The following GNA12 variants were observed in gnomAD, a reference collection of about 807,000 sequenced individuals.
GNA12 encodes the protein G protein subunit alpha 12.
In GNA12, 9 loss-of-function variants were observed where a neutral mutation model predicts 26.0. That is an observed-to-expected ratio of 0.35 (90% CI 0.21 to 0.60). GNA12 has a LOEUF of 0.60. GNA12 is among the 20% of genes least tolerant of loss of function. GNA12 has a pLI of 0.78. For missense variants in GNA12, 405 were observed against 525.8 expected, an observed-to-expected ratio of 0.77 and a Z score of 2.25; for synonymous variants, 264 against 219.6, an observed-to-expected ratio of 1.20 and a Z score of -1.79.
At chr7:2,737,685 C>A (rs1441855428) in intron 2 of GNA12, among the ~76,000 whole-genome samples, 1 of 152,126 alleles carries the variant, frequency 6.6e-6, no homozygotes, top group African/African-American at 2.4e-5. Context: ...TAATGGTGAG[C>A]TAGAGGATTC....
At chr7:2,792,390 A>G (rs1792542830) in intron 2 of GNA12, among the ~76,000 whole-genome samples, 1 of 152,146 alleles carries the variant, frequency 6.6e-6, no homozygotes, top group African/African-American at 2.4e-5. Flanking sequence ...TTGACTTCCT[A>G]AATTGGGAGG....
At chr7:2,784,285 T>A (rs1464597906) in intron 2 of GNA12, among the ~76,000 whole-genome samples, 2 of 151,986 alleles carry the variant, frequency 1.3e-5, no homozygotes, top group Admixed American at 1.3e-4. Flanking sequence ...ACCTGGATAA[T>A]CTTTTTGTAT....
At chr7:2,829,012 G>T (rs1793543239) in intron 1 of GNA12, among the ~76,000 whole-genome samples, 1 of 151,792 alleles carries the variant, frequency 6.6e-6, no homozygotes, top group African/African-American at 2.4e-5. Context: ...GGTGGAGGCT[G>T]CAGCGAGCCA....
Position 2,730,832 on chromosome 7 carries a change from C to T in GNA12, c.*349G>A, listed in dbSNP as rs183939270. On this transcript the variant is annotated 3_prime_UTR_variant, in exon 4 of 4. Transcript: ENST00000275364. Reference sequence around the variant, plus strand: ...TGTCATTAAAGACAGAGCGTGTGTACACACATACACACACAACACGGTCCT... The same window carrying T: ...TGTCATTAAAGACAGAGCGTGTGTATACACATACACACACAACACGGTCCT... The T allele has an allele frequency of 2.9e-4, 65 of 226,234 alleles. No homozygotes were observed. In the East Asian group the frequency reaches 5.7e-3, roughly 20 times the overall value. 14.0% of individuals were successfully genotyped at this position (226,234 alleles called of 1,614,324 possible).
intron 1 of GNA12, among the ~76,000 whole-genome samples, chr7:2,799,754 T>G (rs781300171): frequency 6.6e-6 from 1 of 151,344 alleles, no homozygotes; most frequent in African/African-American, 2.4e-5. Flanking sequence ...AATACACAAG[T>G]GAAAAAGATG....
intron 1 of GNA12, among the ~76,000 whole-genome samples, chr7:2,815,707 G>C (rs1272943605): frequency 2.6e-5 from 4 of 152,158 alleles, no homozygotes; most frequent in African/African-American, 9.7e-5. Flanking sequence ...GCTCCCTGGA[G>C]CCTGGTGCTC....
intron 1 of GNA12, among the ~76,000 whole-genome samples, chr7:2,814,693 T>G (rs1300078917): frequency 6.6e-6 from 1 of 150,710 alleles, no homozygotes; most frequent in Non-Finnish European, 1.5e-5. Context: ...TCTAAAAGGC[T>G]GGACCAGTCA....
intron 1 of GNA12, among the ~76,000 whole-genome samples, chr7:2,816,331 A>G (rs1793218726): frequency 6.6e-6 from 1 of 151,296 alleles, no homozygotes; most frequent in African/African-American, 2.4e-5. Flanking sequence ...CCCTAGTTCA[A>G]GCGATTCTTC....
intron 2 of GNA12, among the ~76,000 whole-genome samples, chr7:2,740,827 G>A (rs1038579219): frequency 2.6e-5 from 4 of 152,136 alleles, no homozygotes; most frequent in South Asian, 2.1e-4. Flanking sequence ...GACGGATCAC[G>A]AGGTCGAGAG....
chr7:2,780,004 G>C (rs1355942718), intron 2 of GNA12, among the ~76,000 whole-genome samples: 1 of 145,762 alleles, frequency 6.9e-6, no homozygotes, highest in African/African-American at 2.6e-5. Context: ...AGGTAGCTCA[G>C]TGGATGTACT....
intron 1 of GNA12, among the ~76,000 whole-genome samples, chr7:2,831,746 TATAA>T (rs1479697942): frequency 6.6e-6 from 1 of 152,104 alleles, no homozygotes. Context: ...GTCACAAAAA[TATAA>T]ATAGTTATTA....
intron 2 of GNA12, among the ~76,000 whole-genome samples, chr7:2,758,661 T>C (rs571398207): frequency 1.6e-4 from 25 of 152,160 alleles, no homozygotes; most frequent in South Asian, 2.1e-4. Context: ...CACAGCACAC[T>C]TGGAGGAACC....
At chr7:2,790,233 A>G (rs1387170002) in intron 2 of GNA12, among the ~76,000 whole-genome samples, 3 of 152,132 alleles carry the variant, frequency 2.0e-5, no homozygotes, top group Admixed American at 6.5e-5. Context: ...TATGCTTAAC[A>G]TAGCCTGATT....
intron 2 of GNA12, among the ~76,000 whole-genome samples, chr7:2,780,048 G>GTGTGTGTATATA (rs748113158): frequency 2.4e-5 from 2 of 84,734 alleles, no homozygotes; most frequent in African/African-American, 5.7e-5. Context: ...ACATTTCTGT[G>GTGTGTGTATATA]TACATATATA....
At chr7:2,742,499 C>G (rs1790559496) in intron 2 of GNA12, among the ~76,000 whole-genome samples, 1 of 152,180 alleles carries the variant, frequency 6.6e-6, no homozygotes, top group Admixed American at 6.5e-5. Flanking sequence ...CATCGCTGTC[C>G]ACATGGACTC....
chr7:2,835,108 A>G lies in GNA12; in HGVS notation c.309+8745T>C, dbSNP rs563147047. Among the ~76,000 whole-genome samples the G allele has an allele frequency of 3.3e-5, 5 of 152,342 alleles. No individual in the cohort carries two copies. The South Asian group carries it at 1.0e-3, about 32-fold the overall frequency. On this transcript the variant is annotated intron_variant, in intron 1 of 3. Transcript: ENST00000275364. ...AACAAGGAACCTTCAGACAGCTAACATTTTATCCACTTCTAACTGGATGTG... is the reference window on the plus strand; with the variant it reads ...AACAAGGAACCTTCAGACAGCTAACGTTTTATCCACTTCTAACTGGATGTG...
Position 2,780,079 on chromosome 7 carries a change from T to C in GNA12, c.525+14849A>G, listed in dbSNP as rs1792189715. On this transcript the variant is annotated intron_variant, in intron 2 of 3. Coordinates refer to ENST00000275364, the MANE Select transcript of GNA12 (RefSeq NM_007353.3). ...ATATATATATATATATATATATATA[T>C]ATATATATATATATGCCTGTTTTCC... is the stretch of plus-strand genomic sequence containing the variant. 5.5e-5 allele frequency among the ~76,000 whole-genome samples: 6 copies of C among 109,758 alleles called. 1 individual carries two copies. In the South Asian group the frequency reaches 1.6e-3, roughly 30 times the overall value. The allele number at this position is 109,758 out of a possible 152,430, so 72.0% of individuals were successfully genotyped here.
chr7:2,818,954 C>T (rs886707091), intron 1 of GNA12, among the ~76,000 whole-genome samples: 1 of 152,070 alleles, frequency 6.6e-6, no homozygotes, highest in South Asian at 2.1e-4. Flanking sequence ...TAAAGATGGC[C>T]GGGGGTATTC....
In GNA12 at chr7:2,739,345, G is replaced by A. The variant is rs577278881; in HGVS notation, c.526-5844C>T. Among the ~76,000 whole-genome samples the A allele has an allele frequency of 5.3e-5, 8 of 152,276 alleles. No homozygotes were observed. The South Asian group carries it at 1.0e-3, about 20-fold the overall frequency. Reference sequence around the variant, plus strand: ...TGCTTTCTGTCTCCATGGATTTGCCGGTTCTGGATCTCTCATTGGAGCGCA... The same window carrying A: ...TGCTTTCTGTCTCCATGGATTTGCCAGTTCTGGATCTCTCATTGGAGCGCA... On this transcript the variant is annotated intron_variant, in intron 2 of 3. Coordinates refer to ENST00000275364, the MANE Select transcript of GNA12 (RefSeq NM_007353.3).
Sources: gnomAD v4.1 joint callset for allele counts (sites outside exome capture counted in the v4.1 genomes callset) on GRCh38, gnomAD v4.1.1 for gene constraint, MANE v1.5 for transcripts, NCBI Gene and HGNC (gene_info 2026-07-23, HGNC 2026-07-21) for gene names.